The following FAR2 variants were observed in gnomAD, a reference collection of about 807,000 sequenced individuals.
The protein encoded by FAR2 is epididymis secretory protein Li 81.
Under a neutral mutation model 56.0 loss-of-function variants are expected in FAR2, and 19 were observed. That is an observed-to-expected ratio of 0.34 (90% CI 0.24 to 0.50). The LOEUF (loss-of-function observed/expected upper bound fraction) is 0.50, where lower values mean the gene tolerates loss of function less well. FAR2 is among the 20% of genes least tolerant of loss of function. The pLI is 0.98. For missense variants in FAR2, 508 were observed against 642.2 expected, an observed-to-expected ratio of 0.79 and a Z score of 2.26; for synonymous variants, 219 against 218.8, an observed-to-expected ratio of 1.00 and a Z score of -0.01.
At chr12:29,330,272 G>T (rs1268711664) in intron 10 of FAR2, among the ~76,000 whole-genome samples, 1 of 152,064 alleles carries the variant, frequency 6.6e-6, no homozygotes, top group Non-Finnish European at 1.5e-5. Context: ...GGTCAGGCGG[G>T]TCTTGAACTC....
At chr12:29,182,826 G>T (rs941771416) in intron 1 of FAR2, among the ~76,000 whole-genome samples, 3 of 152,220 alleles carry the variant, frequency 2.0e-5, no homozygotes, top group East Asian at 3.9e-4. Context: ...GCAGCATAAG[G>T]GTTATCTACG....
At chr12:29,213,713 G>T (rs1240280475) in intron 1 of FAR2, among the ~76,000 whole-genome samples, 1 of 145,916 alleles carries the variant, frequency 6.9e-6, no homozygotes, top group African/African-American at 2.5e-5. Context: ...AAAAGATTAA[G>T]TCTATCTGTA....
intron 3 of FAR2, among the ~76,000 whole-genome samples, chr12:29,294,508 C>T (rs559974486): frequency 2.0e-5 from 3 of 152,056 alleles, no homozygotes; most frequent in African/African-American, 4.8e-5. Flanking sequence ...CCACCACGCT[C>T]GGCTAATATT....
intron 1 of FAR2, among the ~76,000 whole-genome samples, chr12:29,216,868 A>G (rs1947627542): frequency 6.6e-6 from 1 of 152,222 alleles, no homozygotes; most frequent in Non-Finnish European, 1.5e-5. Flanking sequence ...CAAAAGAGCT[A>G]CAAAGCACTT....
chr12:29,305,817 A>G (rs1247536125), intron 4 of FAR2, among the ~76,000 whole-genome samples: 1 of 152,156 alleles, frequency 6.6e-6, no homozygotes, highest in Non-Finnish European at 1.5e-5. Flanking sequence ...GCTGTCAGAA[A>G]TCTACGAAAC....
chr12:29,296,689 A>G (rs1949077768), intron 3 of FAR2, among the ~76,000 whole-genome samples: 1 of 152,130 alleles, frequency 6.6e-6, no homozygotes, highest in Non-Finnish European at 1.5e-5. Flanking sequence ...CTTAATTTAC[A>G]TGTTTGTGTT....
chr12:29,150,937 C>A (rs1949677146), intron 1 of FAR2, among the ~76,000 whole-genome samples: 1 of 152,086 alleles, frequency 6.6e-6, no homozygotes, highest in South Asian at 2.1e-4. Flanking sequence ...AATATGCTTT[C>A]CTTAAAGGAA....
chr12:29,333,577 A>G, intron 11 of FAR2, 55 bp from the exon 12 acceptor site: 1 of 1,463,950 alleles, frequency 6.8e-7, no homozygotes. Flanking sequence ...ATCTTCAGAT[A>G]ATGTGGTTGG....
At chr12:29,226,866 A>G (rs2136645457) in intron 1 of FAR2, among the ~76,000 whole-genome samples, 1 of 152,334 alleles carries the variant, frequency 6.6e-6, no homozygotes, top group African/African-American at 2.4e-5. Context: ...TTACACAAAA[A>G]GAATTCACCA....
intron 11 of FAR2, 115 bp from the exon 12 acceptor site, chr12:29,333,517 C>A: frequency 1.1e-6 from 1 of 949,228 alleles, no homozygotes; most frequent in South Asian, 1.7e-5. Flanking sequence ...ATCAAATACT[C>A]TGAGCACTTC....
chr12:29,248,283 C>A (rs1011535358), intron 1 of FAR2, among the ~76,000 whole-genome samples: 1 of 152,060 alleles, frequency 6.6e-6, no homozygotes, highest in African/African-American at 2.4e-5. Context: ...CACATAAGTT[C>A]TTTTCTATTT....
chr12:29,164,795 A>C (rs547457146), intron 1 of FAR2, among the ~76,000 whole-genome samples: 86 of 152,316 alleles, frequency 5.6e-4, no homozygotes, highest in African/African-American at 1.8e-3. Context: ...CAAGATGCAG[A>C]GAGATGTTAA....
At chr12:29,333,353 C>A in intron 11 of FAR2, 1 of 348,584 alleles carries the variant, frequency 2.9e-6, no homozygotes, top group Non-Finnish European at 5.2e-6. Flanking sequence ...GGTAACATGA[C>A]CAAAGTATAT....
chr12:29,307,523 T>C lies in FAR2; in HGVS notation c.546-135T>C, dbSNP rs1949271484. 4 of 838,868 alleles carry C rather than the reference T, an allele frequency of 4.8e-6. No homozygotes were observed. The South Asian group carries it at 5.4e-5, about 11-fold the overall frequency. 52.0% of individuals were successfully genotyped at this position (838,868 alleles called of 1,614,324 possible). ...GCTTTGAGCAGGTACACACTCAAAC[T>C]TGGTATCATGTGACTGTTCTGAATT... On this transcript the variant is annotated intron_variant, in intron 4 of 11. Coordinates refer to ENST00000536681, the MANE Select transcript of FAR2 (RefSeq NM_001271783.2).
At chr12:29,225,055 G>C (rs917431503) in intron 1 of FAR2, among the ~76,000 whole-genome samples, 2 of 152,108 alleles carry the variant, frequency 1.3e-5, no homozygotes, top group African/African-American at 4.8e-5. Context: ...TGGCAACATA[G>C]CAAGATGCCA....
intron 1 of FAR2, among the ~76,000 whole-genome samples, chr12:29,261,773 A>G (rs192043197): frequency 6.6e-6 from 1 of 152,188 alleles, no homozygotes; most frequent in Non-Finnish European, 1.5e-5. Flanking sequence ...GACATATTTC[A>G]AGTGCTGAAG....
chr12:29,212,125 C>T (rs1266540084), intron 1 of FAR2, among the ~76,000 whole-genome samples: 2 of 151,836 alleles, frequency 1.3e-5, no homozygotes, highest in Non-Finnish European at 2.9e-5. Context: ...ATATTTTATC[C>T]TATTTTTTGA....
At position 29,307,788 on chromosome 12, in the gene FAR2, A is replaced by G; in HGVS notation, c.676A>G (p.Ile226Val). The change falls in exon 5 of 12, where the codon ATC (isoleucine) becomes GTC (valine). Residue 226 changes from isoleucine to valine, a missense_variant. By Grantham distance (29) the Ile-to-Val change is conservative. Coordinates refer to ENST00000536681, the MANE Select transcript of FAR2 (RefSeq NM_001271783.2). Reference protein sequence around the residue: ...QQESRNLNIAIIRPSIVGATW... With the variant: ...QQESRNLNIAVIRPSIVGATW... Reference sequence around the variant, plus strand: ...AGAGAGCAGGAACCTGAACATTGCCATCATAAGGCCCTCCATTGTGGGAGC... The same window carrying G: ...AGAGAGCAGGAACCTGAACATTGCCGTCATAAGGCCCTCCATTGTGGGAGC... 2 of 1,612,830 alleles carry G rather than the reference A, an allele frequency of 1.2e-6. No individual in the cohort carries two copies. The highest frequency in any genetic ancestry group is 2.2e-5 in the South Asian group (2 of 91,014).
intron 1 of FAR2, among the ~76,000 whole-genome samples, chr12:29,208,432 A>T (rs1410858331): frequency 6.6e-6 from 1 of 152,206 alleles, no homozygotes; most frequent in Non-Finnish European, 1.5e-5. Context: ...AGAGGCAGAA[A>T]ATGTTCCCTC....
Sources: allele counts gnomAD v4.1 joint callset (sites outside exome capture counted in the v4.1 genomes callset), GRCh38; gene constraint gnomAD v4.1.1; transcripts MANE v1.5; gene names NCBI Gene and HGNC (gene_info 2026-07-23, HGNC 2026-07-21).